PFKP: variants seen among roughly 807,000 people sequenced by gnomAD.
PFKP encodes ATP-dependent 6-phosphofructokinase, platelet type.
PFKP carries 101 observed loss-of-function variants against 94.3 expected under a neutral mutation model. The ratio of observed to expected loss-of-function variants is 1.07; its 90% CI spans 0.91 to 1.26. The LOEUF (loss-of-function observed/expected upper bound fraction) is 1.26, where lower values mean the gene tolerates loss of function less well. PFKP is among the 50% of genes most tolerant of loss of function. PFKP has a pLI of 0.00. For missense variants in PFKP, 1,145 were observed against 1,103.3 expected (o/e 1.04, Z -0.53); for synonymous variants, 573 against 432.6 (o/e 1.32, Z -4.03).
At chr10:3,107,067 A>T (rs1002083330) in intron 7 of PFKP, 147 bp from the exon 8 acceptor site, 2 of 547,596 alleles carry the variant, frequency 3.7e-6, no homozygotes, top group East Asian at 6.6e-5. Flanking sequence ...TTCTGATGTC[A>T]TTGGGAAGCA....
Position 3,113,430 on chromosome 10 carries a change from C to G in PFKP, c.1283C>G (p.Ala428Gly), listed in dbSNP as rs750792751. Reference sequence around the variant, plus strand: ...GCACCCGCGGCTGGGATGAACGCAGCCGTACGCTCAGCTGTGCGCGTGGGC... The same window carrying G: ...GCACCCGCGGCTGGGATGAACGCAGGCGTACGCTCAGCTGTGCGCGTGGGC... ...VGAPAAGMNAAVRSAVRVGIA... is the reference protein window; with the variant it reads ...VGAPAAGMNAGVRSAVRVGIA... Residue 428 changes from alanine (A) to glycine (G), a missense_variant, in exon 13 of 22, where the codon GCC becomes GGC. Coordinates refer to ENST00000381125, the MANE Select transcript of PFKP (RefSeq NM_002627.5). The G allele has an allele frequency of 2.6e-5, 42 of 1,608,702 alleles. No individual in the cohort carries two copies. The East Asian group carries it at 8.5e-4, about 33-fold the overall frequency.
At chr10:3,107,657 ACCCGGGCTT>A (rs1227048967) in intron 8 of PFKP, 2 of 794,228 alleles carry the variant, frequency 2.5e-6, no homozygotes, top group African/African-American at 3.8e-5. Flanking sequence ...TTGGCAGCCG[ACCCGGGCTT>A]CTGTTTGCCA....
chr10:3,082,479 A>AC lies in PFKP; in HGVS notation c.186+23dup. ...TCTACGAGGTCAGTGTCTGCCCCTC[A>AC]CCCCCTGTCGCCCTTCTTCCACCTG... On this transcript the variant is annotated intron_variant, in intron 2 of 21. Coordinates refer to ENST00000381125, the MANE Select transcript of PFKP (RefSeq NM_002627.5). 1 of 1,582,316 alleles carries AC rather than the reference A, an allele frequency of 6.3e-7. No individual in the cohort carries two copies. The highest frequency in any genetic ancestry group is 8.6e-7 in the Non-Finnish European group (1 of 1,158,540).
At chr10:3,095,473 G>A (rs138817394) in intron 2 of PFKP, among the ~76,000 whole-genome samples, 3 of 152,306 alleles carry the variant, frequency 2.0e-5, no homozygotes, top group East Asian at 1.9e-4. Flanking sequence ...TCTGTCCGAC[G>A]ATGGATCCGA....
rs142129010 is a variant in PFKP, at chr10:3,092,852, T to C, written c.187-6423T>C. ...AACACCTTTTCCCCAGAAGTGCTGG[T>C]GCTCCCCTGTCTGAGGAAAGGGGTG... is the stretch of plus-strand genomic sequence containing the variant. On this transcript the variant is annotated intron_variant, in intron 2 of 21. Transcript: ENST00000381125. Among the ~76,000 whole-genome samples, 15 of 152,104 alleles carry C rather than the reference T, an allele frequency of 9.9e-5. No homozygotes were observed. The East Asian group carries it at 2.9e-3, about 30-fold the overall frequency.
Position 3,119,876 on chromosome 10 carries a change from C to G in PFKP, c.1531-16C>G. 1.2e-6 allele frequency: 2 copies of G among 1,613,800 alleles called. No homozygotes were observed. The highest frequency in any genetic ancestry group is 2.2e-5 in the South Asian group (2 of 91,030). On this transcript the variant is annotated splice_polypyrimidine_tract_variant and intron_variant, in intron 15 of 21. Coordinates refer to ENST00000381125, the MANE Select transcript of PFKP (RefSeq NM_002627.5). ...AGCTTCCCTCTCGCCCCACAACTCCCACGCTTGTCTGACAGGCCTACCTGG... is the reference window on the plus strand; with the variant it reads ...AGCTTCCCTCTCGCCCCACAACTCCGACGCTTGTCTGACAGGCCTACCTGG...
At chr10:3,117,377 G>A (rs1836940115) in intron 14 of PFKP, among the ~76,000 whole-genome samples, 1 of 152,218 alleles carries the variant, frequency 6.6e-6, no homozygotes, top group Non-Finnish European at 1.5e-5. Flanking sequence ...ATTTCCTAAT[G>A]TAGATGAAGC....
intron 16 of PFKP, among the ~76,000 whole-genome samples, chr10:3,126,913 A>G (rs888335476): frequency 2.6e-5 from 4 of 152,216 alleles, no homozygotes; most frequent in Non-Finnish European, 5.9e-5. Context: ...GGAACGGCTG[A>G]GGTCACAGGC....
intron 2 of PFKP, among the ~76,000 whole-genome samples, chr10:3,086,698 G>T (rs1833633109): frequency 6.6e-6 from 1 of 152,102 alleles, no homozygotes; most frequent in Non-Finnish European, 1.5e-5. Flanking sequence ...CTGGGGAGGG[G>T]TGGGGAGTGA....
At chr10:3,116,453 A>T (rs1836835321) in intron 13 of PFKP, among the ~76,000 whole-genome samples, 1 of 152,214 alleles carries the variant, frequency 6.6e-6, no homozygotes, top group African/African-American at 2.4e-5. Flanking sequence ...ACCAACTTAG[A>T]AACCATCATG....
intron 8 of PFKP, among the ~76,000 whole-genome samples, chr10:3,108,267 A>C (rs546212271): frequency 6.6e-6 from 1 of 152,210 alleles, no homozygotes; most frequent in Non-Finnish European, 1.5e-5. Context: ...CGGTGTGCCC[A>C]TGGGCTGGGG....
chr10:3,133,452 A>G (rs1466078685), intron 19 of PFKP, 138 bp downstream of exon 19: 3 of 659,308 alleles, frequency 4.6e-6, no homozygotes, highest in Non-Finnish European at 5.4e-6. Flanking sequence ...ACTTTTTGAG[A>G]CAGAGTCTTG....
intron 1 of PFKP, among the ~76,000 whole-genome samples, chr10:3,076,017 C>CA (rs59102828): frequency 0.17 from 10,047 of 58,460 alleles, 743 homozygotes; most frequent in African/African-American, 0.21. Flanking sequence ...GACTCCGTCT[C>CA]AAAAAAAAAA....
intron 14 of PFKP, among the ~76,000 whole-genome samples, 194 bp downstream of exon 14, chr10:3,117,040 G>A (rs1836906559): frequency 6.6e-6 from 1 of 152,194 alleles, no homozygotes; most frequent in Non-Finnish European, 1.5e-5. Context: ...GTGTCCCAGG[G>A]CGTAAGAGAG....
chr10:3,133,718 A>G (rs955592655), intron 19 of PFKP, among the ~76,000 whole-genome samples: 2 of 152,194 alleles, frequency 1.3e-5, no homozygotes, highest in African/African-American at 4.8e-5. Flanking sequence ...GGCCTGAGCC[A>G]CTGTGCCCAG....
chr10:3,096,660 C>CCG (rs1554765618), intron 2 of PFKP, among the ~76,000 whole-genome samples: 1 of 151,594 alleles, frequency 6.6e-6, no homozygotes, highest in Non-Finnish European at 1.5e-5. Context: ...CTTGCCCCCC[C>CCG]GAGCTTCATG....
At chr10:3,079,605 GTTC>G (rs1190480570) in intron 1 of PFKP, among the ~76,000 whole-genome samples, 1 of 143,360 alleles carries the variant, frequency 7.0e-6, no homozygotes, top group African/African-American at 2.6e-5. Context: ...AAATCCCCGA[GTTC>G]TTCATCATTC....
At chr10:3,089,774 C>G (rs1274126801) in intron 2 of PFKP, among the ~76,000 whole-genome samples, 3 of 151,512 alleles carry the variant, frequency 2.0e-5, no homozygotes, top group Admixed American at 6.6e-5. Flanking sequence ...ACATTATTAA[C>G]TGTAGTCGCT....
chr10:3,087,327 G>T (rs1276295351), intron 2 of PFKP, among the ~76,000 whole-genome samples: 1 of 152,134 alleles, frequency 6.6e-6, no homozygotes, highest in Non-Finnish European at 1.5e-5. Context: ...GAGGGCTGGG[G>T]CTCTGAGGCC....
Sources: allele counts gnomAD v4.1 joint callset (sites outside exome capture counted in the v4.1 genomes callset), GRCh38; gene constraint gnomAD v4.1.1; transcripts MANE v1.5; gene names NCBI Gene and HGNC (gene_info 2026-07-23, HGNC 2026-07-21).